Variants in INO80D observed in about 807,000 individuals in gnomAD.
The protein encoded by INO80D is INO80 complex subunit D.
Under a neutral mutation model 87.6 loss-of-function variants are expected in INO80D, and 21 were observed. That is an observed-to-expected ratio of 0.24 (90% CI 0.17 to 0.35). The LOEUF (loss-of-function observed/expected upper bound fraction) is 0.35, where lower values mean the gene tolerates loss of function less well. INO80D is among the 10% of genes least tolerant of loss of function. The pLI is 1.00. For synonymous variants in INO80D, 440 were observed against 491.0 expected, an observed-to-expected ratio of 0.90 and a Z score of 1.37; for missense variants, 982 against 1,280.7, an observed-to-expected ratio of 0.77 and a Z score of 3.56.
rs1387779567 is a variant in INO80D at position 206,085,418 on chromosome 2, CCCGGGCCTGCCGCCCCGCGGGAAAGCCT to C, written c.-124+455_-124+482del. Reference sequence around the variant, plus strand: ...GGCCCTGACGCCCCTGTCCCGGCAGCCCGGGCCTGCCGCCCCGCGGGAAAGCCTCCGGGCCGGCGCGGGATTCGGCCCA... The same window carrying C: ...GGCCCTGACGCCCCTGTCCCGGCAGCCCGGGCCGGCGCGGGATTCGGCCCA... On this transcript the variant is annotated intron_variant, in intron 1 of 10. Coordinates refer to ENST00000403263, the MANE Select transcript of INO80D (RefSeq NM_017759.5). The surrounding 1 kb of genome is among the most constrained non-coding windows in gnomAD (Gnocchi z 4.5). The C allele has an allele frequency of 6.6e-6, 1 of 151,884 alleles. No homozygotes were observed. The highest frequency in any genetic ancestry group is 1.9e-4 in the East Asian group (1 of 5,162). 9.4% of individuals were successfully genotyped at this position (151,884 alleles called of 1,614,324 possible). A position where few individuals can be genotyped will look rare whatever the true frequency, so the allele number is the denominator to read the frequency against.
rs149972486 is a variant in INO80D, at chr2:205,997,780, GATTA to G, written c.*6584_*6587del. 70 of 152,242 alleles carry G rather than the reference GATTA, an allele frequency of 4.6e-4. No homozygotes were observed. The East Asian group carries it at 0.013, about 29-fold the overall frequency. 9.4% of individuals were successfully genotyped at this position (152,242 alleles called of 1,614,324 possible). On this transcript the variant is annotated 3_prime_UTR_variant, in exon 11 of 11. Transcript: ENST00000403263. Reference sequence around the variant, plus strand: ...GCCTTTTAACATAAGATAACATAATGATTAATTTGGTGTATTTATACAACAGAGA... The same window carrying G: ...GCCTTTTAACATAAGATAACATAATGATTTGGTGTATTTATACAACAGAGA...
chr2:206,028,229 G>T lies in INO80D; in HGVS notation c.1180C>A (p.Arg394Ser). ...AACGTATGCCGGCATTTCTTTTGAC[G>T]AGATTCTGCCCGCTCCAGGCGGCAG... ...HLCRLERAES[R>S]QKKCRHTFRK... Residue 394 changes from arginine (R) to serine (S), a missense_variant, in exon 6 of 11, where the codon CGT becomes AGT. Transcript: ENST00000403263. The T allele has an allele frequency of 6.2e-7, 1 of 1,613,776 alleles. No individual in the cohort carries two copies. Among genetic ancestry groups the T allele is most frequent in the South Asian group, 1.1e-5 (1 of 91,054 alleles).
At chr2:206,068,116 T>G (rs1689868498) in intron 1 of INO80D, among the ~76,000 whole-genome samples, 1 of 152,202 alleles carries the variant, frequency 6.6e-6, no homozygotes, top group African/African-American at 2.4e-5. Flanking sequence ...TTTTTTATTT[T>G]GAGGACAGGG....
At chr2:206,072,187 C>A (rs1689989296) in intron 1 of INO80D, among the ~76,000 whole-genome samples, 1 of 152,110 alleles carries the variant, frequency 6.6e-6, no homozygotes, top group South Asian at 2.1e-4. Flanking sequence ...CAGAGGAAAT[C>A]ATCCTCTCTT....
At position 206,004,076 on chromosome 2, in the gene INO80D, T is replaced by C; in HGVS notation, c.*292A>G. 4.4e-6 allele frequency: 2 copies of C among 458,046 alleles called. No individual in the cohort carries two copies. The allele number at this position is 458,046 out of a possible 1,614,324, so 28.4% of individuals were successfully genotyped here. A position where few individuals can be genotyped will look rare whatever the true frequency, so the allele number is the denominator to read the frequency against. On this transcript the variant is annotated 3_prime_UTR_variant, in exon 11 of 11. Coordinates refer to ENST00000403263, the MANE Select transcript of INO80D (RefSeq NM_017759.5). The surrounding 1 kb of genome is among the most constrained non-coding windows in gnomAD (Gnocchi z 4.9). Reference sequence around the variant, plus strand: ...ACTGGTATTCTGAGGTATCTTCCACTTCTAGGACTTGCTGCTAAAAATCAA... The same window carrying C: ...ACTGGTATTCTGAGGTATCTTCCACCTCTAGGACTTGCTGCTAAAAATCAA...
chr2:206,051,990 T>A (rs929854511), intron 4 of INO80D, among the ~76,000 whole-genome samples: 1 of 151,922 alleles, frequency 6.6e-6, no homozygotes, highest in African/African-American at 2.4e-5. Context: ...TGTAAAGGAG[T>A]TTTATTTGAG....
chr2:206,076,019 T>G (rs1162299360), intron 1 of INO80D, among the ~76,000 whole-genome samples: 1 of 143,274 alleles, frequency 7.0e-6, no homozygotes, highest in East Asian at 2.1e-4. Flanking sequence ...ACCACTGCAC[T>G]CCAGCCTGGG....
chr2:206,050,845 T>G (rs910300751), intron 4 of INO80D, among the ~76,000 whole-genome samples: 8 of 151,898 alleles, frequency 5.3e-5, no homozygotes, highest in African/African-American at 1.9e-4. Flanking sequence ...CGCGGGCGCC[T>G]GTAGTCCCAA....
chr2:206,005,007 T>C lies in INO80D; in HGVS notation c.2445A>G (p.Gln815=), dbSNP rs776016929. The C allele has an allele frequency of 2.6e-5, 42 of 1,614,028 alleles. No homozygotes were observed. Among genetic ancestry groups the C allele is most frequent in the Admixed American group, 5.0e-5 (3 of 60,024 alleles). ...AGGAGTGTGAGTGATCACTGCTGTA[T>C]TGCTGTCGTGAGGTGATTAGGTCAT... ...KADDLITSRQ[Q]YSSDHSHSSP... is the part of the protein sequence containing the mutation. Residue 815 remains glutamine, a synonymous_variant, in exon 11 of 11, where the codon CAA becomes CAG. Coordinates refer to ENST00000403263, the MANE Select transcript of INO80D (RefSeq NM_017759.5).
chr2:206,083,877 A>G (rs1213941046), intron 1 of INO80D, among the ~76,000 whole-genome samples: 14 of 149,068 alleles, frequency 9.4e-5, no homozygotes, highest in African/African-American at 3.2e-4. Context: ...AAAAAAAAAA[A>G]GGAAAAAACC....
At chr2:206,053,197 G>T (rs1689421846) in intron 4 of INO80D, among the ~76,000 whole-genome samples, 1 of 151,868 alleles carries the variant, frequency 6.6e-6, no homozygotes, top group Non-Finnish European at 1.5e-5. Flanking sequence ...AAGAAAAAAA[G>T]ATGTGGCAAT....
At chr2:206,013,174 C>T (rs1030100336) in intron 8 of INO80D, among the ~76,000 whole-genome samples, 2 of 151,796 alleles carry the variant, frequency 1.3e-5, no homozygotes, top group Non-Finnish European at 2.9e-5. Flanking sequence ...TTAGGTTTGC[C>T]TCATTGAATT....
intron 6 of INO80D, among the ~76,000 whole-genome samples, chr2:206,020,331 A>G (rs925328260): frequency 1.3e-5 from 2 of 152,204 alleles, no homozygotes; most frequent in Admixed American, 1.3e-4. Context: ...TAAAAGGATT[A>G]ATCACATCTA....
intron 4 of INO80D, among the ~76,000 whole-genome samples, chr2:206,055,561 T>C (rs1402100343): frequency 6.6e-6 from 1 of 152,170 alleles, no homozygotes; most frequent in Non-Finnish European, 1.5e-5. Flanking sequence ...GGTGTTAAAC[T>C]CATAAAAGCA....
intron 1 of INO80D, among the ~76,000 whole-genome samples, chr2:206,076,311 T>C (rs1044727534): frequency 3.7e-4 from 57 of 152,362 alleles, no homozygotes; most frequent in African/African-American, 1.2e-3. Flanking sequence ...TGGATACTGT[T>C]AAAATCATAT....
At chr2:206,008,102 C>T (rs1688075434) in intron 9 of INO80D, 1 of 152,050 alleles carries the variant, frequency 6.6e-6, no homozygotes, top group African/African-American at 2.4e-5. Context: ...CTTTCTCAGC[C>T]TTCAGAGTAG....
At chr2:206,082,529 ACT>A (rs1314716900) in intron 1 of INO80D, among the ~76,000 whole-genome samples, 5 of 151,834 alleles carry the variant, frequency 3.3e-5, no homozygotes, top group Non-Finnish European at 7.4e-5. Flanking sequence ...AAGTGAGGAG[ACT>A]CTATTGCTGT....
At chr2:206,037,065 T>A (rs559462653) in intron 5 of INO80D, among the ~76,000 whole-genome samples, 16 of 152,314 alleles carry the variant, frequency 1.1e-4, no homozygotes, top group South Asian at 2.1e-4. Flanking sequence ...TGACAAAACC[T>A]GGCACCTAGT....
chr2:206,077,560 G>A (rs977220678), intron 1 of INO80D, among the ~76,000 whole-genome samples: 4 of 152,122 alleles, frequency 2.6e-5, no homozygotes, highest in African/African-American at 9.7e-5. Context: ...CTAGCAGAAT[G>A]AGCACTGTTT....
Sources: gnomAD v4.1 joint callset for allele counts (sites outside exome capture counted in the v4.1 genomes callset) on GRCh38, gnomAD v4.1.1 for gene constraint, Gnocchi (gnomAD v3.1) non-coding constraint, MANE v1.5 for transcripts, NCBI Gene and HGNC (gene_info 2026-07-23, HGNC 2026-07-21) for gene names.